KIF1B: variants seen among roughly 807,000 people sequenced by gnomAD.
KIF1B encodes the protein kinesin family member 1B.
In KIF1B, 76 loss-of-function variants were observed where a neutral mutation model predicts 241.9. That is an observed-to-expected ratio of 0.31 (90% CI 0.26 to 0.38). The LOEUF (loss-of-function observed/expected upper bound fraction) is 0.38, where lower values mean the gene tolerates loss of function less well. Ranked by LOEUF, KIF1B falls within the 10% of genes least tolerant of loss-of-function variation. The probability of loss-of-function intolerance (pLI) is 1.00; values close to 1 mark genes in which losing one functional copy is unlikely to be tolerated. For missense variants in KIF1B, 1,622 were observed against 2,271.4 expected (o/e 0.71, Z 5.81); for synonymous variants, 750 against 796.7 (o/e 0.94, Z 0.99).
At chr1:10,243,799 T>C (rs1647170275) in intron 2 of KIF1B, among the ~76,000 whole-genome samples, 1 of 152,218 alleles carries the variant, frequency 6.6e-6, no homozygotes, top group Non-Finnish European at 1.5e-5. Context: ...TTGATTTATT[T>C]TCTTGATGGA....
At chr1:10,353,718 A>G (rs1451294043) in intron 38 of KIF1B, among the ~76,000 whole-genome samples, 1 of 152,226 alleles carries the variant, frequency 6.6e-6, no homozygotes, top group Non-Finnish European at 1.5e-5. Context: ...ATAGTTTACC[A>G]TAGGAAAGAG....
chr1:10,311,701 T>C (rs1651072764), intron 22 of KIF1B, among the ~76,000 whole-genome samples: 1 of 151,404 alleles, frequency 6.6e-6, no homozygotes, highest in Non-Finnish European at 1.5e-5. Flanking sequence ...AGTTGTCTGC[T>C]CTTCATGGGA....
At chr1:10,250,140 G>A (rs1459996583) in intron 2 of KIF1B, among the ~76,000 whole-genome samples, 1 of 152,020 alleles carries the variant, frequency 6.6e-6, no homozygotes, top group Non-Finnish European at 1.5e-5. Context: ...TTGGTTTAAA[G>A]ATCAAATGGA....
intron 17 of KIF1B, among the ~76,000 whole-genome samples, chr1:10,294,361 A>T (rs1266498381): frequency 6.6e-6 from 1 of 152,222 alleles, no homozygotes; most frequent in Non-Finnish European, 1.5e-5. Context: ...AGACAAATTA[A>T]TAACTGGGAT....
At chr1:10,296,136 C>A (rs1569746292) in intron 19 of KIF1B, among the ~76,000 whole-genome samples, 1 of 152,128 alleles carries the variant, frequency 6.6e-6, no homozygotes, top group African/African-American at 2.4e-5. Context: ...AAGAAAAAGT[C>A]AGTCTTGATT....
At chr1:10,305,853 A>C (rs1486188651) in intron 22 of KIF1B, 1 of 1,052,064 alleles carries the variant, frequency 9.5e-7, no homozygotes, top group East Asian at 5.4e-5. Context: ...GTTTGTCAAA[A>C]AGTTTTCTAA....
chr1:10,332,927 A>G (rs545838409), intron 27 of KIF1B, among the ~76,000 whole-genome samples: 126 of 150,460 alleles, frequency 8.4e-4, no homozygotes, highest in Middle Eastern at 3.5e-3. Flanking sequence ...TTCTCCTGCT[A>G]CAGCCTCTTG....
Position 10,303,380 on chromosome 1 carries a change from T to A in KIF1B, c.2115+6134T>A. The stretch of plus-strand genomic sequence containing the variant: ...AGTAAAGATTCCAAGTGGGTCACAA[T>A]CTCAGATCTTAAAATTCAGGCTGTC... On this transcript the variant is annotated intron_variant, in intron 22 of 48. Coordinates refer to ENST00000676179, the MANE Select transcript of KIF1B (RefSeq NM_001365951.3). This position sits in a 1 kb window ranked among gnomAD's most constrained non-coding sequence, Gnocchi z 5.2. The A allele has an allele frequency of 2.5e-6, 4 of 1,614,180 alleles. No homozygotes were observed. The highest frequency in any genetic ancestry group is 2.5e-6 in the Non-Finnish European group (3 of 1,180,034).
At chr1:10,246,102 C>G (rs932355861) in intron 2 of KIF1B, among the ~76,000 whole-genome samples, 5 of 152,112 alleles carry the variant, frequency 3.3e-5, no homozygotes, top group African/African-American at 1.2e-4. Flanking sequence ...ACTTGGCTAC[C>G]CAGCTGCCAA....
chr1:10,269,591 G>A (rs1402636633), intron 7 of KIF1B, among the ~76,000 whole-genome samples: 2 of 151,432 alleles, frequency 1.3e-5, no homozygotes, highest in Admixed American at 6.6e-5. Flanking sequence ...AGGCTGAGGC[G>A]GGTGGATCAC....
At chr1:10,224,426 G>T (rs1215494299) in intron 1 of KIF1B, among the ~76,000 whole-genome samples, 1 of 151,914 alleles carries the variant, frequency 6.6e-6, no homozygotes, top group Non-Finnish European at 1.5e-5. Context: ...TGTTTTGTGT[G>T]TGTGTTTTTT....
At chr1:10,329,091 G>A (rs984839530) in intron 27 of KIF1B, among the ~76,000 whole-genome samples, 1 of 152,126 alleles carries the variant, frequency 6.6e-6, no homozygotes, top group Non-Finnish European at 1.5e-5. Flanking sequence ...GTAAGTATAG[G>A]TATAAAGCAA....
At position 10,228,455 on chromosome 1, in the gene KIF1B, G is replaced by T. The variant is rs139501270; in HGVS notation, c.-79-3795G>T. 3.3e-5 allele frequency among the ~76,000 whole-genome samples: 5 copies of T among 152,274 alleles called. No individual in the cohort carries two copies. The East Asian group carries it at 7.7e-4, about 23-fold the overall frequency. Reference sequence around the variant, plus strand: ...TTTTACATGTTAGGAACAAGAGAACGTTCTTGCTATTGGAAGTGACGTTGA... The same window carrying T: ...TTTTACATGTTAGGAACAAGAGAACTTTCTTGCTATTGGAAGTGACGTTGA... On this transcript the variant is annotated intron_variant, in intron 1 of 48. Transcript: ENST00000676179.
intron 1 of KIF1B, among the ~76,000 whole-genome samples, chr1:10,230,491 A>C (rs1646966676): frequency 6.7e-6 from 1 of 148,700 alleles, no homozygotes; most frequent in South Asian, 2.1e-4. Context: ...GCTGGAGTGC[A>C]GTGGTGCGAT....
chr1:10,307,197 C>T, intron 22 of KIF1B: 1 of 1,029,500 alleles, frequency 9.7e-7, no homozygotes, highest in Non-Finnish European at 1.2e-6. Context: ...AAATGCTTAT[C>T]CTAGAGAATA....
At chr1:10,273,723 A>C (rs1379029893) in intron 10 of KIF1B, among the ~76,000 whole-genome samples, 1 of 121,212 alleles carries the variant, frequency 8.3e-6, no homozygotes, top group Non-Finnish European at 1.9e-5. Flanking sequence ...AAAAAAAAAA[A>C]AAAAAAAAAA....
At chr1:10,295,621 G>C (rs1330507043) in intron 18 of KIF1B, 39 bp from the exon 19 acceptor site, 6 of 1,564,990 alleles carry the variant, frequency 3.8e-6, no homozygotes, top group Non-Finnish European at 5.3e-6. Context: ...TGCTTTCTGT[G>C]TCTGAATTTC....
At chr1:10,366,190 C>T (rs1305002523) in intron 43 of KIF1B, among the ~76,000 whole-genome samples, 1 of 152,066 alleles carries the variant, frequency 6.6e-6, no homozygotes, top group Non-Finnish European at 1.5e-5. Flanking sequence ...GAGATAGCTC[C>T]ACTGTGCTCC....
chr1:10,320,360 G>A (rs1371340993), intron 23 of KIF1B, among the ~76,000 whole-genome samples: 1 of 152,014 alleles, frequency 6.6e-6, no homozygotes, highest in Non-Finnish European at 1.5e-5. Context: ...TTAGACCTTC[G>A]CACGGTTTCT....
Sources: allele counts gnomAD v4.1 joint callset (sites outside exome capture counted in the v4.1 genomes callset), GRCh38; gene constraint gnomAD v4.1.1; non-coding constraint Gnocchi (gnomAD v3.1); transcripts MANE v1.5; gene names NCBI Gene and HGNC (gene_info 2026-07-23, HGNC 2026-07-21).